CSNK1E: variants seen among roughly 807,000 people sequenced by gnomAD.
CSNK1E encodes casein kinase 1 epsilon.
Under a neutral mutation model 46.1 loss-of-function variants are expected in CSNK1E, and 17 were observed. The ratio of observed to expected loss-of-function variants is 0.37; its 90% CI spans 0.25 to 0.55. The LOEUF (loss-of-function observed/expected upper bound fraction) is 0.55. CSNK1E is among the 20% of genes least tolerant of loss of function. CSNK1E has a pLI of 0.82. For missense variants in CSNK1E, 386 were observed against 595.4 expected (o/e 0.65, Z 3.66); for synonymous variants, 241 against 242.6 (o/e 0.99, Z 0.06).
At chr22:38,293,655 C>T (rs575066952) in intron 9 of CSNK1E, among the ~76,000 whole-genome samples, 1 of 152,258 alleles carries the variant, frequency 6.6e-6, no homozygotes, top group Non-Finnish European at 1.5e-5. Context: ...TGCCAGGCCA[C>T]CTGCCCTGGG....
At chr22:38,293,152 G>A in intron 10 of CSNK1E, 103 bp downstream of exon 10, 2 of 936,744 alleles carry the variant, frequency 2.1e-6, no homozygotes, top group East Asian at 2.4e-5. Context: ...ATCTGCCACT[G>A]CCACTGCCAC....
At position 38,294,423 on chromosome 22, in the gene CSNK1E, G is replaced by T. The variant is rs1428197026; in HGVS notation, c.997C>A (p.Pro333Thr). Residue 333 changes from proline (P) to threonine (T), a missense_variant, in exon 8 of 11, where the codon CCC becomes ACC. Pro to Thr is a conservative substitution (Grantham distance 38). This residue lies in a region of CSNK1E where 174 missense variants were observed against 185.2 expected (regional missense o/e 0.94). Transcript: ENST00000396832. The surrounding 1 kb of genome is among the most constrained non-coding windows in gnomAD (Gnocchi z 5.5). ...SATRALPPGPPTGATANRLRS... is the reference protein window; with the variant it reads ...SATRALPPGPTTGATANRLRS... ...AGCCGGTTGGCAGTGGCCCCCGTGG[G>T]TGGGCCAGGGGGCAGGGCTCGGGTC... 4 of 1,562,860 alleles carry T rather than the reference G, an allele frequency of 2.6e-6. No individual in the cohort carries two copies. The South Asian group carries it at 4.7e-5, about 18-fold the overall frequency.
At position 38,298,632 on chromosome 22, in the gene CSNK1E, A is replaced by C. The variant is rs147921356; in HGVS notation, c.885+154T>G. On this transcript the variant is annotated intron_variant, in intron 7 of 10. Coordinates refer to ENST00000396832, the MANE Select transcript of CSNK1E (RefSeq NM_152221.3). This position sits in a 1 kb window ranked among gnomAD's most constrained non-coding sequence, Gnocchi z 4.2. ...AAGCTGTCAGCACGGATGAGGCTGGAGGGCTCTGGGACCCCAGTGAGGTCA... is the reference window on the plus strand; with the variant it reads ...AAGCTGTCAGCACGGATGAGGCTGGCGGGCTCTGGGACCCCAGTGAGGTCA... 1,249 of 825,300 alleles carry C rather than the reference A, an allele frequency of 1.5e-3. 11 individuals carry two copies. In the African/African-American group the frequency reaches 0.02, roughly 13 times the overall value. 51.1% of individuals were successfully genotyped at this position (825,300 alleles called of 1,614,324 possible). A position where few individuals can be genotyped will look rare whatever the true frequency, so the allele number is the denominator to read the frequency against.
intron 2 of CSNK1E, among the ~76,000 whole-genome samples, chr22:38,312,807 C>G (rs2092726754): frequency 6.6e-6 from 1 of 152,180 alleles, no homozygotes; most frequent in South Asian, 2.1e-4. Flanking sequence ...GCATGACCTT[C>G]CCACAGCCAC....
Position 38,294,572 on chromosome 22 carries a change from A to G in CSNK1E, c.886-38T>C. 1 of 1,539,108 alleles carries G rather than the reference A, an allele frequency of 6.5e-7. No individual in the cohort carries two copies. Among genetic ancestry groups the G allele is most frequent in the Non-Finnish European group, 8.7e-7 (1 of 1,145,246 alleles). On this transcript the variant is annotated intron_variant, in intron 7 of 10. Transcript: ENST00000396832. The surrounding 1 kb of genome is among the most constrained non-coding windows in gnomAD (Gnocchi z 5.5). ...AAGAAAAGACACCAGTCAGCCCCAG[A>G]GGCCAGGGTGCTCTGGGCCCAGCAG...
rs117867125 is a variant in CSNK1E at position 38,292,956 on chromosome 22, C to T, written c.*32+299G>A. ...CCATGGCCCCGTCTCTGCTGGGAAC[C>T]AACCTTCCAAAATATGTTAAGGCAG... On this transcript the variant is annotated intron_variant, in intron 10 of 10. Transcript: ENST00000396832. 24 of 420,680 alleles carry T rather than the reference C, an allele frequency of 5.7e-5. No individual in the cohort carries two copies. In the East Asian group the frequency reaches 1.2e-3, roughly 22 times the overall value. 26.1% of individuals were successfully genotyped at this position (420,680 alleles called of 1,614,324 possible).
intron 2 of CSNK1E, among the ~76,000 whole-genome samples, chr22:38,304,552 A>T (rs1297425763): frequency 2.6e-5 from 4 of 152,192 alleles, no homozygotes; most frequent in Non-Finnish European, 5.9e-5. Flanking sequence ...TGGACACAGG[A>T]GCAAACAGCC....
In CSNK1E at chr22:38,303,105, C is replaced by G. The variant is rs759407327; in HGVS notation, c.187+33G>C. 8.1e-6 allele frequency: 13 copies of G among 1,597,546 alleles called. No homozygotes were observed. The highest frequency in any genetic ancestry group is 1.7e-4 in the Middle Eastern group (1 of 5,998). On this transcript the variant is annotated intron_variant, in intron 3 of 10. Coordinates refer to ENST00000396832, the MANE Select transcript of CSNK1E (RefSeq NM_152221.3). This position sits in a 1 kb window ranked among gnomAD's most constrained non-coding sequence, Gnocchi z 4.7. Reference sequence around the variant, plus strand: ...GCTCATGGCTGCCCACCGCCACCCACCCGGCGCCCGCCGCCGCCCACCCTG... The same window carrying G: ...GCTCATGGCTGCCCACCGCCACCCAGCCGGCGCCCGCCGCCGCCCACCCTG...
Position 38,314,129 on chromosome 22 carries a change from C to A in CSNK1E, c.29G>T (p.Arg10Leu). The change falls in exon 2 of 11, where the codon CGC (arginine) becomes CTC (leucine). Residue 10 changes from arginine (R) to leucine (L), a missense_variant. Arg to Leu is a moderately radical substitution (Grantham distance 102, BLOSUM62 -2). This residue lies in a region of CSNK1E where 212 missense variants were observed against 410.2 expected (regional missense o/e 0.52). Coordinates refer to ENST00000396832, the MANE Select transcript of CSNK1E (RefSeq NM_152221.3). ...CCCGCTCCCGATCTTCCGTCCCAGG[C>A]GGTACTTGTTCCCCACACGTAGCTC... MELRVGNKYRLGRKIGSGSF... is the reference protein window; with the variant it reads MELRVGNKYLLGRKIGSGSF... 6.2e-7 allele frequency: 1 copy of A among 1,614,078 alleles called. No individual in the cohort carries two copies. The highest frequency in any genetic ancestry group is 8.5e-7 in the Non-Finnish European group (1 of 1,179,968).
Position 38,298,550 on chromosome 22 carries a change from C to T in CSNK1E, c.885+236G>A. The stretch of plus-strand genomic sequence containing the variant: ...GAGGGACCCCAGGTGAAGCCAGATC[C>T]TCCTTGTTCCGACGGGAGACAGCGC... On this transcript the variant is annotated intron_variant, in intron 7 of 10. Transcript: ENST00000396832. This position sits in a 1 kb window ranked among gnomAD's most constrained non-coding sequence, Gnocchi z 4.2. 1 of 528,492 alleles carries T rather than the reference C, an allele frequency of 1.9e-6. No individual in the cohort carries two copies. The highest frequency in any genetic ancestry group is 2.0e-5 in the South Asian group (1 of 49,532). The allele number at this position is 528,492 out of a possible 1,614,324, so 32.7% of individuals were successfully genotyped here. A position where few individuals can be genotyped will look rare whatever the true frequency, so the allele number is the denominator to read the frequency against.
intron 2 of CSNK1E, 68 bp downstream of exon 2, chr22:38,314,014 G>A: frequency 5.0e-6 from 7 of 1,387,974 alleles, no homozygotes; most frequent in Non-Finnish European, 7.2e-6. Flanking sequence ...CCCAAATCCT[G>A]GGGTCTTTCC....
At chr22:38,315,740 G>A (rs1295306591) in intron 1 of CSNK1E, among the ~76,000 whole-genome samples, 1 of 151,302 alleles carries the variant, frequency 6.6e-6, no homozygotes, top group Non-Finnish European at 1.5e-5. Context: ...GGTTAGGAAA[G>A]GAACATAAAT....
At chr22:38,315,700 A>G (rs2092741931) in intron 1 of CSNK1E, among the ~76,000 whole-genome samples, 1 of 149,354 alleles carries the variant, frequency 6.7e-6, no homozygotes, top group Admixed American at 6.7e-5. Context: ...ACCAATTCAG[A>G]GACCACACAT....
chr22:38,309,663 C>T lies in CSNK1E; in HGVS notation c.76+4419G>A, dbSNP rs539105230. Among the ~76,000 whole-genome samples the T allele has an allele frequency of 3.5e-4, 54 of 152,212 alleles. 1 individual carries two copies. The highest frequency in any genetic ancestry group is 1.2e-3 in the Admixed American group (19 of 15,272). ...AGAGATGGGGTTTCACCATGTTGGCCGGGCTGGTCTCAAACTCCTGACCTC... is the reference window on the plus strand; with the variant it reads ...AGAGATGGGGTTTCACCATGTTGGCTGGGCTGGTCTCAAACTCCTGACCTC... On this transcript the variant is annotated intron_variant, in intron 2 of 10. Coordinates refer to ENST00000396832, the MANE Select transcript of CSNK1E (RefSeq NM_152221.3). This position sits in a 1 kb window ranked among gnomAD's most constrained non-coding sequence, Gnocchi z 4.8.
chr22:38,307,910 C>T (rs1275276720), intron 2 of CSNK1E, among the ~76,000 whole-genome samples: 1 of 152,152 alleles, frequency 6.6e-6, no homozygotes, highest in Admixed American at 6.5e-5. Flanking sequence ...GGCTGGTCTC[C>T]AACTCCTGGG....
chr22:38,293,387 C>T, intron 9 of CSNK1E, 68 bp from the exon 10 acceptor site: 1 of 994,908 alleles, frequency 1.0e-6, no homozygotes, highest in Non-Finnish European at 1.6e-6. Flanking sequence ...AGTCAAGTCC[C>T]TTAGCCGCTG....
In CSNK1E at chr22:38,303,387, G is replaced by A; in HGVS notation, c.77-139C>T. The stretch of plus-strand genomic sequence containing the variant: ...CCTTGAGGAGCTCTTGGGGGAGGCT[G>A]GGAAGGGGGCAAAGGAGCCCCGGCA... On this transcript the variant is annotated intron_variant, in intron 2 of 10. Transcript: ENST00000396832. The surrounding 1 kb of genome is among the most constrained non-coding windows in gnomAD (Gnocchi z 4.7). 1.4e-6 allele frequency: 1 copy of A among 712,708 alleles called. No individual in the cohort carries two copies. Among genetic ancestry groups the A allele is most frequent in the Non-Finnish European group, 2.3e-6 (1 of 438,768 alleles). 44.1% of individuals were successfully genotyped at this position (712,708 alleles called of 1,614,324 possible). A position where few individuals can be genotyped will look rare whatever the true frequency, so the allele number is the denominator to read the frequency against.
intron 2 of CSNK1E, among the ~76,000 whole-genome samples, chr22:38,306,725 ATCTC>A (rs2092700241): frequency 2.3e-5 from 1 of 42,842 alleles, no homozygotes; most frequent in African/African-American, 1.1e-4. Flanking sequence ...GCAAGACTCC[ATCTC>A]AAAAAAAAAA....
intron 7 of CSNK1E, chr22:38,296,471 G>C: frequency 1.9e-6 from 3 of 1,545,246 alleles, no homozygotes; most frequent in Non-Finnish European, 2.6e-6. Context: ...CTGGCCTCAG[G>C]GTGAAGGTTC....
Sources: gnomAD v4.1 joint callset for allele counts (sites outside exome capture counted in the v4.1 genomes callset) on GRCh38, gnomAD v4.1.1 for gene constraint, gnomAD v4.1.1 regional missense constraint, Gnocchi (gnomAD v3.1) non-coding constraint, MANE v1.5 for transcripts, NCBI Gene and HGNC (gene_info 2026-07-23, HGNC 2026-07-21) for gene names.